The following COL13A1 variants were observed in gnomAD, a reference collection of about 807,000 sequenced individuals.
COL13A1 encodes the protein collagen alpha-1(XIII) chain.
A neutral mutation model predicts 130.9 loss-of-function variants in COL13A1; 89 were observed. The observed-to-expected ratio is 0.68, with a 90% CI of 0.57 to 0.81. COL13A1 has a LOEUF of 0.81. COL13A1 is among the 30% of genes least tolerant of loss of function. The pLI, the probability that COL13A1 is intolerant of heterozygous loss-of-function variation, is 0.00. For missense variants in COL13A1, 879 were observed against 934.6 expected, an observed-to-expected ratio of 0.94 and a Z score of 0.78; for synonymous variants, 402 against 341.6, an observed-to-expected ratio of 1.18 and a Z score of -1.95.
chr10:69,946,882 G>A (rs1183846633), intron 37 of COL13A1, among the ~76,000 whole-genome samples: 5 of 152,144 alleles, frequency 3.3e-5, no homozygotes, highest in African/African-American at 1.2e-4. Flanking sequence ...CAGCCTCCCA[G>A]GTTCAAGCGA....
chr10:69,913,644 G>T (rs1023535848), intron 17 of COL13A1, among the ~76,000 whole-genome samples: 1 of 152,094 alleles, frequency 6.6e-6, no homozygotes. Flanking sequence ...CAGCCACAGC[G>T]ACGACGCTGG....
chr10:69,835,153 G>A (rs145812505), intron 2 of COL13A1, among the ~76,000 whole-genome samples: 372 of 152,234 alleles, frequency 2.4e-3, no homozygotes, highest in African/African-American at 8.2e-3. Context: ...CAGGCTGCTG[G>A]GGGCAGATGA....
chr10:69,817,493 G>C (rs1844874315), intron 1 of COL13A1, among the ~76,000 whole-genome samples: 1 of 151,970 alleles, frequency 6.6e-6, no homozygotes. Context: ...GTGAAGGGTT[G>C]AGGGAACCAC....
chr10:69,932,886 T>G (rs2135892533), intron 31 of COL13A1, among the ~76,000 whole-genome samples: 1 of 152,098 alleles, frequency 6.6e-6, no homozygotes, highest in South Asian at 2.1e-4. Flanking sequence ...CCTGTAATCC[T>G]AGCAATTTGG....
At chr10:69,808,179 T>C (rs1423874501) in intron 1 of COL13A1, among the ~76,000 whole-genome samples, 1 of 152,198 alleles carries the variant, frequency 6.6e-6, no homozygotes, top group Admixed American at 6.5e-5. Flanking sequence ...CCAACCCTCA[T>C]AGGAAGGTGG....
chr10:69,854,817 T>C lies in COL13A1; in HGVS notation c.365-12981T>C, dbSNP rs1855945683. On this transcript the variant is annotated intron_variant, in intron 2 of 40. Transcript: ENST00000645393. ...GAGGAATGGTATATGTCCTGTGGTA[T>C]TTGCAATTCCAGAATAGACAGGTAC... Among the ~76,000 whole-genome samples the C allele has an allele frequency of 2.6e-5, 4 of 152,132 alleles. No homozygotes were observed. The South Asian group carries it at 8.3e-4, about 32-fold the overall frequency.
intron 17 of COL13A1, among the ~76,000 whole-genome samples, chr10:69,908,100 AC>A (rs2062981496): frequency 6.6e-6 from 1 of 152,108 alleles, no homozygotes; most frequent in African/African-American, 2.4e-5. Context: ...TGCCCTCCAG[AC>A]CCTGGCTGGG....
chr10:69,945,849 C>T, intron 37 of COL13A1, 125 bp downstream of exon 37: 1 of 1,172,092 alleles, frequency 8.5e-7, no homozygotes, highest in Non-Finnish European at 1.2e-6. Context: ...GAGGCGGGCG[C>T]ATCACGAGGT....
chr10:69,802,222 T>C lies in COL13A1; in HGVS notation c.-202T>C. 1 of 576,180 alleles carries C rather than the reference T, an allele frequency of 1.7e-6. No individual in the cohort carries two copies. The highest frequency in any genetic ancestry group is 2.8e-6 in the Non-Finnish European group (1 of 358,250). 35.7% of individuals were successfully genotyped at this position (576,180 alleles called of 1,614,324 possible). A position where few individuals can be genotyped will look rare whatever the true frequency, so the allele number is the denominator to read the frequency against. On this transcript the variant is annotated 5_prime_UTR_variant, in exon 1 of 41. Coordinates refer to ENST00000645393, the MANE Select transcript of COL13A1 (RefSeq NM_001368882.1). ...TTTTTCTCACCTAGGTGTACCCCAA[T>C]TACCGCTGGTTGTGCTTTTTCGGCA... is the stretch of plus-strand genomic sequence containing the variant.
intron 2 of COL13A1, among the ~76,000 whole-genome samples, chr10:69,843,349 C>T (rs1292151822): frequency 6.6e-6 from 1 of 152,184 alleles, no homozygotes; most frequent in Non-Finnish European, 1.5e-5. Context: ...CAAATCCTGC[C>T]TTTGTCACTT....
At chr10:69,849,800 G>C (rs1305377401) in intron 2 of COL13A1, among the ~76,000 whole-genome samples, 1 of 152,130 alleles carries the variant, frequency 6.6e-6, no homozygotes, top group Non-Finnish European at 1.5e-5. Flanking sequence ...CACTTTCCAG[G>C]CCTCCCCACC....
At chr10:69,806,579 G>A (rs1471625922) in intron 1 of COL13A1, among the ~76,000 whole-genome samples, 1 of 152,238 alleles carries the variant, frequency 6.6e-6, no homozygotes, top group Non-Finnish European at 1.5e-5. Flanking sequence ...CCCTTAACGA[G>A]CACTCCAGCT....
Position 69,817,325 on chromosome 10 carries a change from G to A in COL13A1, c.295-5044G>A, listed in dbSNP as rs186521767. The stretch of plus-strand genomic sequence containing the variant: ...GGAGGAGAGAAGGGTGCTGGCAGGC[G>A]CAGATGCAGATGGACGGCACGTGTA... On this transcript the variant is annotated intron_variant, in intron 1 of 40. Coordinates refer to ENST00000645393, the MANE Select transcript of COL13A1 (RefSeq NM_001368882.1). Among the ~76,000 whole-genome samples the A allele has an allele frequency of 4.8e-3, 726 of 151,902 alleles. 10 individuals are homozygous for A. The highest frequency in any genetic ancestry group is 0.017 in the African/African-American group (697 of 41,424).
intron 2 of COL13A1, among the ~76,000 whole-genome samples, chr10:69,831,612 G>A (rs1175469639): frequency 6.6e-6 from 1 of 152,160 alleles, no homozygotes; most frequent in Non-Finnish European, 1.5e-5. Context: ...GAGGTGATAG[G>A]GAGATAAGTT....
chr10:69,946,222 G>C (rs375826020), intron 37 of COL13A1, among the ~76,000 whole-genome samples: 1 of 152,192 alleles, frequency 6.6e-6, no homozygotes, highest in African/African-American at 2.4e-5. Context: ...TGGGCATTGC[G>C]CTGTGAGAGG....
chr10:69,830,517 T>C (rs187679640), intron 2 of COL13A1, among the ~76,000 whole-genome samples: 7 of 152,326 alleles, frequency 4.6e-5, no homozygotes, highest in Admixed American at 4.6e-4. Context: ...GTCATTTATC[T>C]AAAGTTAAAA....
intron 35 of COL13A1, among the ~76,000 whole-genome samples, chr10:69,941,812 G>C (rs1424943202): frequency 1.3e-5 from 2 of 152,148 alleles, no homozygotes; most frequent in Admixed American, 6.5e-5. Context: ...CCTCCCGTGA[G>C]CGCCCTCTGA....
rs1230051691 is a variant in COL13A1, at chr10:69,810,376, G to GAGAGAGAGACACAGAGAC, written c.294+7664_294+7665insGAGACACAGAGACAGAGA. 1.1e-3 allele frequency among the ~76,000 whole-genome samples: 148 copies of GAGAGAGAGACACAGAGAC among 133,758 alleles called. 2 individuals carry two copies. The highest frequency in any genetic ancestry group is 8.3e-3 in the South Asian group (36 of 4,318). 87.8% of individuals were successfully genotyped at this position (133,758 alleles called of 152,430 possible). A position where few individuals can be genotyped will look rare whatever the true frequency, so the allele number is the denominator to read the frequency against. ...AGAGAGAGAGAGAGAGAGAGAGAGA[G>GAGAGAGAGACACAGAGAC]AGAGACAGAGAGTCTGTGTGGCCCA... On this transcript the variant is annotated intron_variant, in intron 1 of 40. Transcript: ENST00000645393.
chr10:69,834,733 G>A (rs930479165), intron 2 of COL13A1, among the ~76,000 whole-genome samples: 1 of 152,182 alleles, frequency 6.6e-6, no homozygotes, highest in Non-Finnish European at 1.5e-5. Context: ...GAGCAGAAGG[G>A]GGGTAGGTTG....
Sources: allele counts gnomAD v4.1 joint callset (sites outside exome capture counted in the v4.1 genomes callset), GRCh38; gene constraint gnomAD v4.1.1; transcripts MANE v1.5; gene names NCBI Gene and HGNC (gene_info 2026-07-23, HGNC 2026-07-21).